CDH12: variants seen among roughly 807,000 people sequenced by gnomAD.
CDH12 encodes the protein cadherin 12, also known as cadherin-12.
CDH12 carries 41 observed loss-of-function variants against 74.1 expected under a neutral mutation model. The ratio of observed to expected loss-of-function variants is 0.55; its 90% CI spans 0.43 to 0.72. The LOEUF (loss-of-function observed/expected upper bound fraction) is 0.72. CDH12 is among the 30% of genes least tolerant of loss of function. The pLI is 0.00. For missense variants in CDH12, 945 were observed against 977.2 expected (o/e 0.97, Z 0.44); for synonymous variants, 399 against 355.0 (o/e 1.12, Z -1.39).
At chr5:21,935,049 G>C (rs772384904) in intron 6 of CDH12, among the ~76,000 whole-genome samples, 3 of 152,142 alleles carry the variant, frequency 2.0e-5, no homozygotes, top group Non-Finnish European at 2.9e-5. Context: ...GCCTCCCAAA[G>C]TGGTGGGATT....
chr5:22,840,884 G>A (rs953111191), intron 1 of CDH12, among the ~76,000 whole-genome samples: 3 of 152,194 alleles, frequency 2.0e-5, no homozygotes, highest in Non-Finnish European at 2.9e-5. Flanking sequence ...ATCCCAGTCA[G>A]AGGGAACAGC....
At chr5:21,763,114 C>CA (rs1744820722) in intron 12 of CDH12, among the ~76,000 whole-genome samples, 1 of 152,012 alleles carries the variant, frequency 6.6e-6, no homozygotes, top group South Asian at 2.1e-4. Flanking sequence ...TGTGCCGATC[C>CA]AAAATTAACG....
intron 2 of CDH12, among the ~76,000 whole-genome samples, chr5:22,435,356 T>C (rs1194553604): frequency 6.6e-6 from 1 of 151,432 alleles, no homozygotes; most frequent in Non-Finnish European, 1.5e-5. Flanking sequence ...CGTGAGACCT[T>C]GTGATCATGT....
At chr5:22,140,481 T>C (rs3020548) in intron 4 of CDH12, among the ~76,000 whole-genome samples, 1 of 152,016 alleles carries the variant, frequency 6.6e-6, no homozygotes, top group Non-Finnish European at 1.5e-5. Context: ...CATCCAATCC[T>C]GTATATTTGT....
At chr5:21,954,295 G>T (rs1246158973) in intron 6 of CDH12, among the ~76,000 whole-genome samples, 1 of 151,288 alleles carries the variant, frequency 6.6e-6, no homozygotes, top group Non-Finnish European at 1.5e-5. Context: ...TGTCATTGAG[G>T]TTAAAATTAA....
intron 5 of CDH12, among the ~76,000 whole-genome samples, chr5:22,039,032 A>G (rs1449725795): frequency 6.6e-6 from 1 of 152,086 alleles, no homozygotes; most frequent in Non-Finnish European, 1.5e-5. Context: ...CACTGCCCCA[A>G]CAGGGTTCAA....
intron 6 of CDH12, among the ~76,000 whole-genome samples, chr5:21,924,938 G>T (rs1406908506): frequency 3.3e-5 from 5 of 152,118 alleles, no homozygotes; most frequent in Non-Finnish European, 7.4e-5. Flanking sequence ...CCAACATATA[G>T]CATATGCCAG....
chr5:22,130,862 G>T (rs1193869288), intron 4 of CDH12, among the ~76,000 whole-genome samples: 2 of 151,550 alleles, frequency 1.3e-5, no homozygotes, highest in Non-Finnish European at 2.9e-5. Flanking sequence ...CTGATCACAG[G>T]CAACCACTGA....
chr5:22,029,042 GA>G (rs1738605780), intron 5 of CDH12, among the ~76,000 whole-genome samples: 1 of 152,158 alleles, frequency 6.6e-6, no homozygotes, highest in Non-Finnish European at 1.5e-5. Flanking sequence ...ATGGTGCTGG[GA>G]AAACCAGCTA....
intron 6 of CDH12, among the ~76,000 whole-genome samples, chr5:21,939,326 A>G (rs1211024427): frequency 6.6e-6 from 1 of 151,824 alleles, no homozygotes; most frequent in African/African-American, 2.4e-5. Flanking sequence ...ATCTTTCCAC[A>G]CAATATGTAA....
intron 8 of CDH12, among the ~76,000 whole-genome samples, chr5:21,827,996 G>A (rs377576190): frequency 6.6e-5 from 10 of 151,928 alleles, no homozygotes; most frequent in Non-Finnish European, 7.4e-5. Flanking sequence ...ACAATATATG[G>A]TAAATGGAAA....
At chr5:21,858,061 G>C (rs1287260594) in intron 6 of CDH12, among the ~76,000 whole-genome samples, 1 of 151,232 alleles carries the variant, frequency 6.6e-6, no homozygotes, top group Non-Finnish European at 1.5e-5. Flanking sequence ...TATTGGATTA[G>C]GACCCACCCT....
chr5:22,283,763 G>T (rs1363095321), intron 3 of CDH12, among the ~76,000 whole-genome samples: 1 of 152,032 alleles, frequency 6.6e-6, no homozygotes, highest in East Asian at 1.9e-4. Flanking sequence ...GATCTTTAAT[G>T]TTTTTACCAC....
At chr5:22,193,190 T>C (rs1370266982) in intron 4 of CDH12, among the ~76,000 whole-genome samples, 1 of 152,330 alleles carries the variant, frequency 6.6e-6, no homozygotes, top group East Asian at 1.9e-4. Flanking sequence ...GAATACTAAA[T>C]GTTTTGAACA....
Position 22,402,580 on chromosome 5 carries a change from TA to T in CDH12, c.-333+2676del, listed in dbSNP as rs1296949507. 3.3e-5 allele frequency among the ~76,000 whole-genome samples: 5 copies of T among 152,178 alleles called. No homozygotes were observed. In the East Asian group the frequency reaches 7.7e-4, roughly 24 times the overall value. On this transcript the variant is annotated intron_variant, in intron 3 of 14. Transcript: ENST00000382254. ...TTTCCTTGTTCCTTATAGTAAAATA[TA>T]AAAGAAAAGAGATAAACTGAAGATG...
chr5:22,576,944 T>C (rs1580781524), intron 1 of CDH12, among the ~76,000 whole-genome samples: 1 of 152,156 alleles, frequency 6.6e-6, no homozygotes, highest in African/African-American at 2.4e-5. Context: ...CTCAAAGGAA[T>C]AAATCCAAGC....
At chr5:22,362,075 CA>C (rs1740827876) in intron 3 of CDH12, among the ~76,000 whole-genome samples, 1 of 152,006 alleles carries the variant, frequency 6.6e-6, no homozygotes, top group South Asian at 2.1e-4. Context: ...CCAAAAGTGA[CA>C]AATGTGATCT....
intron 6 of CDH12, among the ~76,000 whole-genome samples, chr5:21,942,831 A>T (rs1755400629): frequency 1.3e-5 from 2 of 152,190 alleles, no homozygotes; most frequent in South Asian, 4.1e-4. Flanking sequence ...AAATCTCCAG[A>T]TAACTTTTAA....
At chr5:22,576,723 C>A (rs144936515) in intron 1 of CDH12, among the ~76,000 whole-genome samples, 1 of 149,008 alleles carries the variant, frequency 6.7e-6, no homozygotes, top group Non-Finnish European at 1.5e-5. Context: ...ATGGTCCTTG[C>A]GTCTTAGGGA....
Sources: gnomAD v4.1 joint callset for allele counts (sites outside exome capture counted in the v4.1 genomes callset) on GRCh38, gnomAD v4.1.1 for gene constraint, MANE v1.5 for transcripts, NCBI Gene and HGNC (gene_info 2026-07-23, HGNC 2026-07-21) for gene names.